The following COMMD10 variants were observed in gnomAD, a reference collection of about 807,000 sequenced individuals.
The protein encoded by COMMD10 is COMM domain-containing protein 10.
Under a neutral mutation model 28.9 loss-of-function variants are expected in COMMD10, and 33 were observed. The observed-to-expected ratio is 1.14, with a 90% CI of 0.87 to 1.53. The LOEUF is 1.53. COMMD10 is among the 40% of genes most tolerant of loss of function. The probability of loss-of-function intolerance (pLI) is 0.00; values close to 1 mark genes in which losing one functional copy is unlikely to be tolerated. For missense variants in COMMD10, 310 were observed against 233.4 expected, an observed-to-expected ratio of 1.33 and a Z score of -2.14; for synonymous variants, 110 against 81.7, an observed-to-expected ratio of 1.35 and a Z score of -1.87.
intron 5 of COMMD10, among the ~76,000 whole-genome samples, chr5:116,160,811 T>C (rs867502857): frequency 5.3e-5 from 8 of 152,162 alleles, no homozygotes; most frequent in Non-Finnish European, 7.3e-5. Context: ...TGTAGGAGAA[T>C]GTTTCAGGTT....
At chr5:116,093,795 C>G (rs945571824) in intron 4 of COMMD10, among the ~76,000 whole-genome samples, 3 of 152,114 alleles carry the variant, frequency 2.0e-5, no homozygotes, top group Admixed American at 6.5e-5. Flanking sequence ...GCTATAGTAA[C>G]CAAAACAGCA....
chr5:116,157,007 C>G (rs1489831671), intron 5 of COMMD10, among the ~76,000 whole-genome samples: 1 of 152,146 alleles, frequency 6.6e-6, no homozygotes, highest in Non-Finnish European at 1.5e-5. Flanking sequence ...CTAGAGATCT[C>G]AGGCAAATCC....
At chr5:116,236,534 C>T (rs527379903) in intron 5 of COMMD10, among the ~76,000 whole-genome samples, 2 of 150,688 alleles carry the variant, frequency 1.3e-5, no homozygotes, top group African/African-American at 2.4e-5. Context: ...AGAAGTGATC[C>T]GTTGGGCCGT....
intron 4 of COMMD10, among the ~76,000 whole-genome samples, chr5:116,119,035 C>T (rs947886837): frequency 7.9e-5 from 12 of 152,098 alleles, no homozygotes; most frequent in African/African-American, 2.9e-4. Flanking sequence ...ATTGTGAGAA[C>T]ATTTGTTGAA....
chr5:116,103,292 T>C (rs1212547945), intron 4 of COMMD10, among the ~76,000 whole-genome samples: 1 of 152,228 alleles, frequency 6.6e-6, no homozygotes, highest in Non-Finnish European at 1.5e-5. Flanking sequence ...ACCAACAGTA[T>C]AAAAGCATTC....
chr5:116,277,149 C>T (rs561501193), intron 5 of COMMD10, among the ~76,000 whole-genome samples: 11 of 151,782 alleles, frequency 7.2e-5, no homozygotes, highest in Non-Finnish European at 1.3e-4. Flanking sequence ...TATCATTGTA[C>T]AAACTGAACT....
chr5:116,213,857 T>TA (rs1433478566), intron 5 of COMMD10, among the ~76,000 whole-genome samples: 2 of 152,140 alleles, frequency 1.3e-5, no homozygotes, highest in African/African-American at 4.8e-5. Context: ...AAATTTTACT[T>TA]ATATACCCAA....
intron 5 of COMMD10, among the ~76,000 whole-genome samples, chr5:116,286,258 T>C (rs1474490984): frequency 6.6e-6 from 1 of 151,648 alleles, no homozygotes; most frequent in Non-Finnish European, 1.5e-5. Context: ...CTTTTTTTCT[T>C]AATTAGTCTA....
intron 5 of COMMD10, among the ~76,000 whole-genome samples, chr5:116,246,908 A>G (rs12521612): frequency 0.073 from 11,123 of 152,116 alleles, 480 homozygotes; most frequent in Admixed American, 0.13. Context: ...ATGCAGGACA[A>G]TGGCACGGGC....
At position 116,288,994 on chromosome 5, in the gene COMMD10, G is replaced by A. The variant is rs374013009; in HGVS notation, c.511-2523G>A. On this transcript the variant is annotated intron_variant, in intron 5 of 6. Coordinates refer to ENST00000274458, the MANE Select transcript of COMMD10 (RefSeq NM_016144.4). Reference sequence around the variant, plus strand: ...CCTCCTGGGTTCAAGTGATTCTCCTGCCTCAGCCTCCTGAGTAGCTGGGAT... The same window carrying A: ...CCTCCTGGGTTCAAGTGATTCTCCTACCTCAGCCTCCTGAGTAGCTGGGAT... 7.1e-4 allele frequency among the ~76,000 whole-genome samples: 105 copies of A among 147,624 alleles called. 2 individuals carry two copies. The South Asian group carries it at 0.019, about 27-fold the overall frequency.
At chr5:116,290,948 T>C (rs566900183) in intron 5 of COMMD10, among the ~76,000 whole-genome samples, 1 of 152,144 alleles carries the variant, frequency 6.6e-6, no homozygotes, top group Non-Finnish European at 1.5e-5. Context: ...CTAATGCATG[T>C]GAAGTAAAAG....
intron 5 of COMMD10, among the ~76,000 whole-genome samples, chr5:116,229,211 A>C (rs1332372660): frequency 6.6e-6 from 1 of 151,902 alleles, no homozygotes; most frequent in African/African-American, 2.4e-5. Flanking sequence ...TGTATCTAAG[A>C]TTGATGATTT....
At chr5:116,254,412 C>T (rs192266779) in intron 5 of COMMD10, among the ~76,000 whole-genome samples, 7 of 150,310 alleles carry the variant, frequency 4.7e-5, no homozygotes, top group African/African-American at 1.8e-4. Context: ...TTGGATCTTT[C>T]CTGCTTTCTC....
chr5:116,207,753 C>T (rs148101671), intron 5 of COMMD10, among the ~76,000 whole-genome samples: 111 of 152,130 alleles, frequency 7.3e-4, no homozygotes, highest in African/African-American at 2.6e-3. Context: ...CTCTAACTCC[C>T]AGTGATCCAC....
chr5:116,120,019 C>T (rs1441347991), intron 4 of COMMD10, among the ~76,000 whole-genome samples: 1 of 151,996 alleles, frequency 6.6e-6, no homozygotes, highest in Admixed American at 6.5e-5. Context: ...GCTGTATTTC[C>T]ATGAGATCAC....
At chr5:116,260,368 A>G (rs966954922) in intron 5 of COMMD10, among the ~76,000 whole-genome samples, 1 of 151,796 alleles carries the variant, frequency 6.6e-6, no homozygotes, top group African/African-American at 2.4e-5. Flanking sequence ...GGTAATGTTT[A>G]TTGTTAGTCA....
intron 5 of COMMD10, among the ~76,000 whole-genome samples, chr5:116,288,775 G>A (rs1472508519): frequency 1.4e-5 from 2 of 145,652 alleles, no homozygotes; most frequent in African/African-American, 5.1e-5. Context: ...CAGGATTTCT[G>A]TTTGGTTCTT....
chr5:116,171,352 A>G (rs937485346), intron 5 of COMMD10, among the ~76,000 whole-genome samples: 3 of 152,188 alleles, frequency 2.0e-5, no homozygotes, highest in Admixed American at 6.5e-5. Flanking sequence ...GGGTGTGGAG[A>G]AATAGAAATG....
At position 116,268,907 on chromosome 5, in the gene COMMD10, T is replaced by G. The variant is rs533542374; in HGVS notation, c.511-22610T>G. 1.6e-4 allele frequency among the ~76,000 whole-genome samples: 24 copies of G among 148,762 alleles called. No individual in the cohort carries two copies. In the East Asian group the frequency reaches 4.8e-3, roughly 30 times the overall value. ...GTGGGAATTGAACAATGAGAACACT[T>G]GGACACAGAGAGAGGAACATCACAA... On this transcript the variant is annotated intron_variant, in intron 5 of 6. Coordinates refer to ENST00000274458, the MANE Select transcript of COMMD10 (RefSeq NM_016144.4).
Sources: allele counts gnomAD v4.1 joint callset (sites outside exome capture counted in the v4.1 genomes callset), GRCh38; gene constraint gnomAD v4.1.1; transcripts MANE v1.5; gene names NCBI Gene and HGNC (gene_info 2026-07-23, HGNC 2026-07-21).